Variants in GPR180 observed in about 807,000 individuals in gnomAD.
The protein encoded by GPR180 is integral membrane protein GPR180.
Under a neutral mutation model 52.6 loss-of-function variants are expected in GPR180, and 53 were observed. The ratio of observed to expected loss-of-function variants is 1.01; its 90% CI spans 0.81 to 1.27. The LOEUF (loss-of-function observed/expected upper bound fraction) is 1.27, where lower values mean the gene tolerates loss of function less well. GPR180 is among the 50% of genes most tolerant of loss of function. The pLI is 0.00. For synonymous variants in GPR180, 200 were observed against 193.1 expected, an observed-to-expected ratio of 1.04 and a Z score of -0.30; for missense variants, 533 against 527.0, an observed-to-expected ratio of 1.01 and a Z score of -0.11.
chr13:94,614,481 T>C lies in GPR180; in HGVS notation c.505+2091T>C, dbSNP rs543139751. Among the ~76,000 whole-genome samples the C allele has an allele frequency of 9.8e-5, 15 of 152,304 alleles. No individual in the cohort carries two copies. The East Asian group carries it at 2.9e-3, about 29-fold the overall frequency. ...TCATCACCAATTTGGCATGTAAACT[T>C]TTATCCCAGGCTATAAAGTGATCAC... On this transcript the variant is annotated intron_variant, in intron 3 of 8. Transcript: ENST00000376958.
At chr13:94,607,148 C>A (rs1414162244) in intron 2 of GPR180, among the ~76,000 whole-genome samples, 2 of 152,178 alleles carry the variant, frequency 1.3e-5, no homozygotes, top group Non-Finnish European at 2.9e-5. Flanking sequence ...CCCTCTTTGA[C>A]CTTTCTACCC....
chr13:94,604,124 A>C (rs1258588973), intron 1 of GPR180, among the ~76,000 whole-genome samples: 1 of 152,078 alleles, frequency 6.6e-6, no homozygotes, highest in African/African-American at 2.4e-5. Flanking sequence ...ACCTGAGGTC[A>C]GGAGTTAAAG....
chr13:94,606,395 A>G (rs908374835), intron 2 of GPR180, among the ~76,000 whole-genome samples: 4 of 152,242 alleles, frequency 2.6e-5, no homozygotes, highest in Non-Finnish European at 5.9e-5. Context: ...CTAGTGGCTT[A>G]AATCCGTGAT....
At chr13:94,618,102 A>T (rs181129866) in intron 3 of GPR180, among the ~76,000 whole-genome samples, 4 of 152,322 alleles carry the variant, frequency 2.6e-5, no homozygotes, top group Non-Finnish European at 2.9e-5. Flanking sequence ...TCCATTTTTA[A>T]TACAAAGTCT....
intron 3 of GPR180, among the ~76,000 whole-genome samples, chr13:94,615,140 G>A (rs1343972188): frequency 1.3e-5 from 2 of 152,142 alleles, no homozygotes; most frequent in African/African-American, 2.4e-5. Flanking sequence ...CTCTAAAGTT[G>A]ATTCTTATGT....
In GPR180 at chr13:94,625,946, C is replaced by T; in HGVS notation, c.1087-20C>T. 6.3e-7 allele frequency: 1 copy of T among 1,588,692 alleles called. No homozygotes were observed. The highest frequency in any genetic ancestry group is 8.6e-7 in the Non-Finnish European group (1 of 1,159,602). The stretch of plus-strand genomic sequence containing the variant: ...AAAAGCTACACAGTTCTACTTATTT[C>T]ACTTTTTCCTTTGTTTCAGGGCTGT... On this transcript the variant is annotated intron_variant, in intron 7 of 8. Coordinates refer to ENST00000376958, the MANE Select transcript of GPR180 (RefSeq NM_180989.6).
intron 3 of GPR180, among the ~76,000 whole-genome samples, chr13:94,613,542 T>C (rs1275224050): frequency 2.0e-5 from 3 of 152,276 alleles, no homozygotes; most frequent in East Asian, 3.9e-4. Flanking sequence ...CACCTTGGCC[T>C]CCCAAGGTGT....
At chr13:94,622,488 CTA>C (rs1339011240) in intron 6 of GPR180, among the ~76,000 whole-genome samples, 3 of 152,066 alleles carry the variant, frequency 2.0e-5, no homozygotes, top group Non-Finnish European at 1.5e-5. Flanking sequence ...CAGTCAGAGA[CTA>C]TACAAATACA....
At position 94,628,281 on chromosome 13, in the gene GPR180, A is replaced by G. The variant is rs1017207576; in HGVS notation, c.*1110A>G. ...TGAGTATGCTAGCTAAAAAATATCA[A>G]GTGCCTGATTAAAGAATTGCTAAAT... On this transcript the variant is annotated 3_prime_UTR_variant, in exon 9 of 9. Transcript: ENST00000376958. The G allele has an allele frequency of 1.6e-4, 25 of 152,338 alleles. No individual in the cohort carries two copies. The highest frequency in any genetic ancestry group is 5.1e-4 in the African/African-American group (21 of 41,414). The allele number at this position is 152,338 out of a possible 1,614,324, so 9.4% of individuals were successfully genotyped here. A position where few individuals can be genotyped will look rare whatever the true frequency, so the allele number is the denominator to read the frequency against.
intron 1 of GPR180, among the ~76,000 whole-genome samples, chr13:94,602,561 A>T (rs1473466844): frequency 6.7e-6 from 1 of 150,334 alleles, no homozygotes; most frequent in African/African-American, 2.5e-5. Flanking sequence ...CAAGTAAAAC[A>T]CTTGATAATG....
chr13:94,617,162 C>T (rs1026158457), intron 3 of GPR180, among the ~76,000 whole-genome samples: 1 of 151,960 alleles, frequency 6.6e-6, no homozygotes, highest in Non-Finnish European at 1.5e-5. Context: ...ATTTTCTTTT[C>T]ATGGTAGAGT....
chr13:94,606,460 T>G (rs759038778), intron 2 of GPR180, among the ~76,000 whole-genome samples: 3 of 152,044 alleles, frequency 2.0e-5, no homozygotes, highest in Non-Finnish European at 4.4e-5. Flanking sequence ...CCATCCAGAG[T>G]GAGTGAAAAT....
At chr13:94,622,408 G>A (rs1170464867) in intron 6 of GPR180, among the ~76,000 whole-genome samples, 1 of 152,072 alleles carries the variant, frequency 6.6e-6, no homozygotes, top group Non-Finnish European at 1.5e-5. Flanking sequence ...GAGTTTATAT[G>A]AACATTTATG....
intron 3 of GPR180, 92 bp from the exon 4 acceptor site, chr13:94,619,058 C>T (rs886917890): frequency 1.0e-6 from 1 of 999,626 alleles, no homozygotes; most frequent in African/African-American, 1.6e-5. Context: ...AAAACAAGTT[C>T]TAGAAATATA....
At chr13:94,603,896 ATTCT>A (rs1425615258) in intron 1 of GPR180, among the ~76,000 whole-genome samples, 2 of 152,304 alleles carry the variant, frequency 1.3e-5, no homozygotes, top group East Asian at 3.9e-4. Flanking sequence ...AACCAGGTTC[ATTCT>A]GTATTCATCT....
At chr13:94,618,812 T>C (rs1288959202) in intron 3 of GPR180, among the ~76,000 whole-genome samples, 1 of 152,198 alleles carries the variant, frequency 6.6e-6, no homozygotes, top group East Asian at 1.9e-4. Flanking sequence ...GGGGGTAAAA[T>C]GTATATCTAA....
rs947733026 is a variant in GPR180 at position 94,626,108 on chromosome 13, T to G, written c.1164+65T>G. ...AATATTGTCTTAATTGGGAGAATAT[T>G]TAAATAGGAGGGACCTATTTATTTT... On this transcript the variant is annotated intron_variant, in intron 8 of 8. Coordinates refer to ENST00000376958, the MANE Select transcript of GPR180 (RefSeq NM_180989.6). 13 of 1,104,396 alleles carry G rather than the reference T, an allele frequency of 1.2e-5. No individual in the cohort carries two copies. The Admixed American group carries it at 2.4e-4, about 20-fold the overall frequency. 68.4% of individuals were successfully genotyped at this position (1,104,396 alleles called of 1,614,324 possible).
At position 94,632,678 on chromosome 13, in the gene GPR180, A is replaced by G. The variant is rs1041144910; in HGVS notation, c.*5507A>G. 2 of 152,142 alleles carry G rather than the reference A, an allele frequency of 1.3e-5. No individual in the cohort carries two copies. The highest frequency in any genetic ancestry group is 6.5e-5 in the Admixed American group (1 of 15,278). 9.4% of individuals were successfully genotyped at this position (152,142 alleles called of 1,614,324 possible). On this transcript the variant is annotated 3_prime_UTR_variant, in exon 9 of 9. Transcript: ENST00000376958. ...CTAGATCCTTGGGATTTTCTAGGTG[A>G]TGGAAGTATCTTTGTTATTCATAGT... is the stretch of plus-strand genomic sequence containing the variant.
In GPR180 at chr13:94,629,569, T is replaced by A. The variant is rs1889967450; in HGVS notation, c.*2398T>A. 6.6e-6 allele frequency: 1 copy of A among 152,208 alleles called. No individual in the cohort carries two copies. The highest frequency in any genetic ancestry group is 2.4e-5 in the African/African-American group (1 of 41,460). 9.4% of individuals were successfully genotyped at this position (152,208 alleles called of 1,614,324 possible). On this transcript the variant is annotated 3_prime_UTR_variant, in exon 9 of 9. Transcript: ENST00000376958. ...TAAGGTCATCAAACTATTTAGTTTT[T>A]CCACTTTACCTTCATGATTTAAGGA...
Sources: gnomAD v4.1 joint callset for allele counts (sites outside exome capture counted in the v4.1 genomes callset) on GRCh38, gnomAD v4.1.1 for gene constraint, MANE v1.5 for transcripts, NCBI Gene and HGNC (gene_info 2026-07-23, HGNC 2026-07-21) for gene names.